THAP6: variants seen among roughly 807,000 people sequenced by gnomAD.
THAP6 encodes the protein THAP domain containing 6.
THAP6 carries 13 observed loss-of-function variants against 20.0 expected under a neutral mutation model. The observed-to-expected ratio is 0.65, with a 90% CI of 0.42 to 1.03. THAP6 has a LOEUF of 1.03. Ranked by LOEUF, THAP6 falls within the 50% of genes least tolerant of loss-of-function variation. The pLI is 0.00. For synonymous variants in THAP6, 93 were observed against 92.2 expected, an observed-to-expected ratio of 1.01 and a Z score of -0.05; for missense variants, 262 against 261.6, an observed-to-expected ratio of 1.00 and a Z score of -0.01.
Position 75,527,607 on chromosome 4 carries a change from A to T in THAP6, c.*393A>T, listed in dbSNP as rs1208005819. The T allele has an allele frequency of 7.9e-6, 8 of 1,007,588 alleles. No homozygotes were observed. In the East Asian group the frequency reaches 6.7e-4, roughly 84 times the overall value. 62.4% of individuals were successfully genotyped at this position (1,007,588 alleles called of 1,614,324 possible). A position where few individuals can be genotyped will look rare whatever the true frequency, so the allele number is the denominator to read the frequency against. On this transcript the variant is annotated 3_prime_UTR_variant, in exon 5 of 5. Coordinates refer to ENST00000311638, the MANE Select transcript of THAP6 (RefSeq NM_144721.6). ...CTTACATGTGCTTTATGGTAAGTAC[A>T]TTGAATTTTACTTTAAATGCATTTT...
At chr4:75,516,608 G>A (rs1229680267) in intron 2 of THAP6, among the ~76,000 whole-genome samples, 164 bp from the exon 3 acceptor site, 1 of 152,144 alleles carries the variant, frequency 6.6e-6, no homozygotes, top group South Asian at 2.1e-4. Context: ...ATATTAAAAC[G>A]GAAAGTAACA....
At chr4:75,533,857 A>T (rs1407757260), downstream of THAP6, among the ~76,000 whole-genome samples, 2 of 151,998 alleles carry the variant, frequency 1.3e-5, no homozygotes, top group African/African-American at 2.4e-5. Flanking sequence ...GGTGTGCTGC[A>T]TCCATTAACT....
At chr4:75,543,792 G>A (rs1447071384) in intron 3 of THAP6, among the ~76,000 whole-genome samples, 1 of 152,208 alleles carries the variant, frequency 6.6e-6, no homozygotes, top group Non-Finnish European at 1.5e-5. Flanking sequence ...TGTAGTGGTA[G>A]AGCATAGCTG....
intron 3 of THAP6, among the ~76,000 whole-genome samples, chr4:75,520,764 A>G (rs1051846073): frequency 3.9e-5 from 6 of 152,204 alleles, no homozygotes; most frequent in Non-Finnish European, 7.4e-5. Flanking sequence ...GCACCAATCT[A>G]TCCCCCTACT....
At chr4:75,546,016 T>C (rs1036929960) in intron 3 of THAP6, among the ~76,000 whole-genome samples, 2 of 152,210 alleles carry the variant, frequency 1.3e-5, no homozygotes, top group Non-Finnish European at 2.9e-5. Context: ...GTTTCATCTT[T>C]AGGGTTTTTT....
intron 3 of THAP6, among the ~76,000 whole-genome samples, chr4:75,518,571 G>A (rs1489510496): frequency 2.6e-5 from 4 of 152,084 alleles, no homozygotes; most frequent in Admixed American, 1.3e-4. Flanking sequence ...TTTATCACTT[G>A]AGAAAACTGA....
intron 3 of THAP6, among the ~76,000 whole-genome samples, chr4:75,545,636 C>G (rs1727109339): frequency 6.6e-6 from 1 of 152,194 alleles, no homozygotes; most frequent in African/African-American, 2.4e-5. Context: ...GTGCCCACCA[C>G]TCCCCATCCT....
downstream of THAP6, chr4:75,530,155 G>C: frequency 1.2e-6 from 1 of 812,906 alleles, no homozygotes; most frequent in Non-Finnish European, 1.5e-6. Flanking sequence ...TGCAAGGTTA[G>C]ATGACCCACG....
rs910988587 is a variant in THAP6, at chr4:75,529,756, C to T, written c.*2542C>T. On this transcript the variant is annotated 3_prime_UTR_variant, in exon 5 of 5. Transcript: ENST00000311638. Reference sequence around the variant, plus strand: ...TAGGAGTGGCCTCTAGAGCCAGGAACACATTAATACAACAGTTCAACCTCA... The same window carrying T: ...TAGGAGTGGCCTCTAGAGCCAGGAATACATTAATACAACAGTTCAACCTCA... The T allele has an allele frequency of 3.0e-6, 3 of 985,286 alleles. No individual in the cohort carries two copies. The highest frequency in any genetic ancestry group is 1.2e-4 in the Admixed American group (2 of 16,266). The allele number at this position is 985,286 out of a possible 1,614,324, so 61.0% of individuals were successfully genotyped here. A position where few individuals can be genotyped will look rare whatever the true frequency, so the allele number is the denominator to read the frequency against.
rs74684663 is a variant in THAP6 at position 75,523,800 on chromosome 4, CAA to C, written c.414+1959_414+1960del. Among the ~76,000 whole-genome samples the C allele has an allele frequency of 5.1e-3, 368 of 72,734 alleles. 1 individual carries two copies. The highest frequency in any genetic ancestry group is 0.014 in the African/African-American group (346 of 24,508). 47.7% of individuals were successfully genotyped at this position (72,734 alleles called of 152,430 possible). A position where few individuals can be genotyped will look rare whatever the true frequency, so the allele number is the denominator to read the frequency against. On this transcript the variant is annotated intron_variant, in intron 4 of 4. Transcript: ENST00000311638. ...TGGGCAACAAAGTGAGAACCTGTCTCAAAAAAAAAAAAAAAAAAAAAGAAAAG... is the reference window on the plus strand; with the variant it reads ...TGGGCAACAAAGTGAGAACCTGTCTCAAAAAAAAAAAAAAAAAAAGAAAAG...
intron 2 of THAP6, among the ~76,000 whole-genome samples, chr4:75,538,529 G>A (rs981044599): frequency 6.6e-6 from 1 of 152,142 alleles, no homozygotes; most frequent in Non-Finnish European, 1.5e-5. Context: ...AAGATGAGAG[G>A]TATAATTGGC....
chr4:75,529,849 A>C lies in THAP6; in HGVS notation c.*2635A>C. On this transcript the variant is annotated 3_prime_UTR_variant, in exon 5 of 5. Coordinates refer to ENST00000311638, the MANE Select transcript of THAP6 (RefSeq NM_144721.6). ...TCTATATCAAGTTTAAATTTCTGGA[A>C]ATAGACTTTGGTTGCTAATGACAAT... 1.0e-6 allele frequency: 1 copy of C among 985,384 alleles called. No homozygotes were observed. The highest frequency in any genetic ancestry group is 5.2e-4 in the Middle Eastern group (1 of 1,914). 61.0% of individuals were successfully genotyped at this position (985,384 alleles called of 1,614,324 possible).
intron 4 of THAP6, 106 bp downstream of exon 4, chr4:75,521,967 T>C: frequency 7.4e-7 from 1 of 1,353,656 alleles, no homozygotes. Flanking sequence ...GGGGTTAATA[T>C]GTAATATCTA....
intron 2 of THAP6, among the ~76,000 whole-genome samples, chr4:75,515,988 A>T (rs1725589521): frequency 6.6e-6 from 1 of 152,240 alleles, no homozygotes; most frequent in South Asian, 2.1e-4. Flanking sequence ...AAATGATTTT[A>T]GTTTCATATT....
In THAP6 at chr4:75,529,701, A is replaced by T; in HGVS notation, c.*2487A>T. On this transcript the variant is annotated 3_prime_UTR_variant, in exon 5 of 5. Coordinates refer to ENST00000311638, the MANE Select transcript of THAP6 (RefSeq NM_144721.6). ...GAAATTTCTCTGGCAGCCAAGCCTG[A>T]CCCTAAGGGTTCCACTTTGCTTTAA... 1 of 985,398 alleles carries T rather than the reference A, an allele frequency of 1.0e-6. No individual in the cohort carries two copies. Among genetic ancestry groups the T allele is most frequent in the Non-Finnish European group, 1.2e-6 (1 of 829,948 alleles). 61.0% of individuals were successfully genotyped at this position (985,398 alleles called of 1,614,324 possible). A position where few individuals can be genotyped will look rare whatever the true frequency, so the allele number is the denominator to read the frequency against.
chr4:75,537,057 A>G (rs1217729024), intron 2 of THAP6, among the ~76,000 whole-genome samples: 2 of 152,208 alleles, frequency 1.3e-5, no homozygotes, highest in African/African-American at 4.8e-5. Flanking sequence ...TAAAATTCAT[A>G]TGCAAAAACT....
intron 3 of THAP6, 33 bp downstream of exon 3, chr4:75,517,012 C>T: frequency 8.2e-7 from 1 of 1,215,454 alleles, no homozygotes; most frequent in Non-Finnish European, 1.1e-6. Flanking sequence ...ACCATCATTG[C>T]TCACTTTTTT....
chr4:75,531,086 G>A (rs1228050935), downstream of THAP6, among the ~76,000 whole-genome samples: 1 of 152,206 alleles, frequency 6.6e-6, no homozygotes, highest in Non-Finnish European at 1.5e-5. Context: ...TTCTTGAGTG[G>A]CATCTGGAAA....
At chr4:75,522,059 A>G in intron 4 of THAP6, 198 bp downstream of exon 4, 1 of 571,932 alleles carries the variant, frequency 1.7e-6, no homozygotes, top group Non-Finnish European at 2.9e-6. Context: ...TTGGTTACAT[A>G]TGTAGTTCAC....
Sources: gnomAD v4.1 joint callset for allele counts (sites outside exome capture counted in the v4.1 genomes callset) on GRCh38, gnomAD v4.1.1 for gene constraint, MANE v1.5 for transcripts, NCBI Gene and HGNC (gene_info 2026-07-23, HGNC 2026-07-21) for gene names.